Variants in CLSTN3 observed in about 807,000 individuals in gnomAD.
CLSTN3 encodes the protein calsyntenin-3.
A neutral mutation model predicts 95.9 loss-of-function variants in CLSTN3; 36 were observed. That is an observed-to-expected ratio of 0.38 (90% CI 0.29 to 0.50). The LOEUF is 0.50. Among genes scored for constraint, CLSTN3 ranks in the 20% least tolerant of loss-of-function variants. The pLI, the probability that CLSTN3 is intolerant of heterozygous loss-of-function variation, is 0.95. For missense variants in CLSTN3, 1,084 were observed against 1,268.8 expected (o/e 0.85, Z 2.21); for synonymous variants, 481 against 504.0 (o/e 0.95, Z 0.61).
At position 7,149,606 on chromosome 12, in the gene CLSTN3, G is replaced by C; in HGVS notation, c.2158G>C (p.Glu720Gln). The C allele has an allele frequency of 6.2e-7, 1 of 1,614,118 alleles. No individual in the cohort carries two copies. The highest frequency in any genetic ancestry group is 8.5e-7 in the Non-Finnish European group (1 of 1,179,976). The stretch of plus-strand genomic sequence containing the variant: ...TCTGGTGGGGGATGACCTGGATCCC[G>C]AGCGGGAAAGCCTGCTCCTGGACAC... ...ISLVGDDLDP[E>Q]RESLLLDTTS... Residue 720 changes from glutamate (E) to glutamine (Q), a missense_variant, in exon 14 of 18, where the codon GAG becomes CAG. Transcript: ENST00000266546. The surrounding 1 kb of genome is among the most constrained non-coding windows in gnomAD (Gnocchi z 4.5).
At chr12:7,156,404 G>A (rs1175813945) in intron 16 of CLSTN3, 1 of 456,610 alleles carries the variant, frequency 2.2e-6, no homozygotes, top group Non-Finnish European at 4.4e-6. Flanking sequence ...GGCCCTCACG[G>A]CCCACGTCTG....
At position 7,132,965 on chromosome 12, in the gene CLSTN3, T is replaced by C. The variant is rs758283698; in HGVS notation, c.65-59T>C. ...AGTTGTCTGGGTCAACAAGGGTTGTTGTGGGAGTAGAGGCCCTGCTCACAG... is the reference window on the plus strand; with the variant it reads ...AGTTGTCTGGGTCAACAAGGGTTGTCGTGGGAGTAGAGGCCCTGCTCACAG... On this transcript the variant is annotated intron_variant, in intron 1 of 17. Transcript: ENST00000266546. 1.9e-6 allele frequency: 3 copies of C among 1,610,020 alleles called. No homozygotes were observed. The African/African-American group carries it at 4.0e-5, about 22-fold the overall frequency.
intron 12 of CLSTN3, 60 bp downstream of exon 12, chr12:7,143,371 T>C (rs1939567315): frequency 1.3e-6 from 2 of 1,559,746 alleles, no homozygotes; most frequent in Admixed American, 3.4e-5. Flanking sequence ...TCACAGCTCC[T>C]TGGCCTAAGG....
rs759243878 is a variant in CLSTN3, at chr12:7,151,612, TGCTGCCCTTCAAA to T, written c.2527+565_2527+577del. Among the ~76,000 whole-genome samples, 539 of 152,138 alleles carry T rather than the reference TGCTGCCCTTCAAA, an allele frequency of 3.5e-3. 4 individuals are homozygous for T. Among genetic ancestry groups the T allele is most frequent in the African/African-American group, 0.011 (463 of 41,526 alleles). On this transcript the variant is annotated intron_variant, in intron 16 of 17. Coordinates refer to ENST00000266546, the MANE Select transcript of CLSTN3 (RefSeq NM_014718.4). The stretch of plus-strand genomic sequence containing the variant: ...TGCAAAGCGTTACATTCAGATGGAG[TGCTGCCCTTCAAA>T]GCTGCCCTTCAAAGCAACCTGGCCG...
upstream of CLSTN3, chr12:7,129,797 G>T: frequency 1.0e-6 from 1 of 985,772 alleles, no homozygotes; most frequent in Non-Finnish European, 1.2e-6. The surrounding 1 kb of genome is among the most constrained non-coding windows in gnomAD (Gnocchi z 5.5). Context: ...GGCAGGACAG[G>T]TAGGCAGGAG....
chr12:7,151,757 T>C (rs911699137), intron 16 of CLSTN3, among the ~76,000 whole-genome samples: 5 of 152,068 alleles, frequency 3.3e-5, no homozygotes, highest in Admixed American at 3.3e-4. Context: ...AATATTTCTT[T>C]TAAAGAAGAA....
In CLSTN3 at chr12:7,138,041, G is replaced by A. The variant is rs753656821; in HGVS notation, c.1297G>A (p.Val433Ile). The A allele has an allele frequency of 5.0e-6, 8 of 1,613,722 alleles. 1 individual carries two copies. The highest frequency in any genetic ancestry group is 1.6e-4 in the Middle Eastern group (1 of 6,084). ...YWPLLESARP[V>I]KFLWKLEQVC... ...GCCCCTGCTTGAGAGTGCCCGCCCA[G>A]TCAAGTTCCTCTGGAAGCTGGAGCA... Residue 433 changes from valine (V) to isoleucine (I), a missense_variant, in exon 8 of 18, where the codon GTC becomes ATC. By Grantham distance (29) the Val-to-Ile change is conservative. Coordinates refer to ENST00000266546, the MANE Select transcript of CLSTN3 (RefSeq NM_014718.4).
chr12:7,130,772 G>A lies in CLSTN3; in HGVS notation c.64+60G>A, dbSNP rs763066890. The A allele has an allele frequency of 1.8e-5, 26 of 1,454,898 alleles. No homozygotes were observed. In the African/African-American group the frequency reaches 3.5e-4, roughly 20 times the overall value. 90.1% of individuals were successfully genotyped at this position (1,454,898 alleles called of 1,614,324 possible). On this transcript the variant is annotated intron_variant, in intron 1 of 17. Coordinates refer to ENST00000266546, the MANE Select transcript of CLSTN3 (RefSeq NM_014718.4). ...GGCGTCGGGCAGCGCCGTGCGGGGTGGGGGTGGGAAGGAGGTGTCGAGGCT... is the reference window on the plus strand; with the variant it reads ...GGCGTCGGGCAGCGCCGTGCGGGGTAGGGGTGGGAAGGAGGTGTCGAGGCT...
chr12:7,135,999 T>A (rs1273699783), intron 5 of CLSTN3, 46 bp downstream of exon 5: 2 of 1,560,816 alleles, frequency 1.3e-6, no homozygotes, highest in South Asian at 2.4e-5. Flanking sequence ...ATCTTTTTTC[T>A]TGGTCTCTCT....
At chr12:7,140,935 G>A (rs1419520137) in intron 8 of CLSTN3, among the ~76,000 whole-genome samples, 1 of 152,174 alleles carries the variant, frequency 6.6e-6, no homozygotes, top group African/African-American at 2.4e-5. Context: ...ACACACATAT[G>A]TAATACATAA....
intron 6 of CLSTN3, 151 bp downstream of exon 6, chr12:7,136,542 G>A (rs1251630543): frequency 2.3e-6 from 2 of 861,030 alleles, no homozygotes; most frequent in African/African-American, 3.4e-5. Context: ...CGGCCCAAAA[G>A]GCAGGTACAT....
intron 16 of CLSTN3, among the ~76,000 whole-genome samples, chr12:7,151,833 A>G (rs1038955625): frequency 1.1e-4 from 16 of 152,184 alleles, no homozygotes; most frequent in Admixed American, 9.8e-4. Context: ...CAGGAGGCTC[A>G]CTTGAGTCCA....
intron 3 of CLSTN3, 90 bp from the exon 4 acceptor site, chr12:7,135,237 C>A: frequency 8.0e-7 from 1 of 1,254,172 alleles, no homozygotes; most frequent in South Asian, 1.3e-5. Context: ...GAGGCTGTAC[C>A]TCGGTGTGCT....
intron 12 of CLSTN3, among the ~76,000 whole-genome samples, chr12:7,144,037 G>C (rs1030049435): frequency 6.6e-6 from 1 of 152,114 alleles, no homozygotes; most frequent in African/African-American, 2.4e-5. Flanking sequence ...GACCAGCCTG[G>C]CCAACATGGT....
Position 7,149,734 on chromosome 12 carries a change from C to A in CLSTN3, c.2245+41C>A. ...GGGCCTGTCCTCTGTGTGTGTGTGC[C>A]CCTCCCAAAAAGTAAGGGCCTAGGA... is the stretch of plus-strand genomic sequence containing the variant. On this transcript the variant is annotated intron_variant, in intron 14 of 17. Transcript: ENST00000266546. The surrounding 1 kb of genome is among the most constrained non-coding windows in gnomAD (Gnocchi z 4.5). The A allele has an allele frequency of 6.5e-7, 1 of 1,550,296 alleles. No homozygotes were observed. The highest frequency in any genetic ancestry group is 8.8e-7 in the Non-Finnish European group (1 of 1,134,814).
Position 7,135,470 on chromosome 12 carries a change from A to T in CLSTN3, c.527A>T (p.Gln176Leu). Residue 176 changes from glutamine (Q) to leucine (L), a missense_variant, in exon 4 of 18, where the codon CAG (glutamine) becomes CTG (leucine). Physicochemically the swap from Gln to Leu is moderately radical, Grantham distance 113. Coordinates refer to ENST00000266546, the MANE Select transcript of CLSTN3 (RefSeq NM_014718.4). ...VEAIDGDCSP[Q>L]YSQICYYEIL... ...GCCATTGACGGTGACTGCTCCCCCC[A>T]GTACAGCCAGATCTGCTACTATGAG... The T allele has an allele frequency of 6.2e-7, 1 of 1,614,050 alleles. No homozygotes were observed.
At position 7,137,478 on chromosome 12, in the gene CLSTN3, G is replaced by A. The variant is rs1939447903; in HGVS notation, c.1210+368G>A. 2.0e-5 allele frequency among the ~76,000 whole-genome samples: 3 copies of A among 152,106 alleles called. No individual in the cohort carries two copies. In the South Asian group the frequency reaches 6.2e-4, roughly 32 times the overall value. On this transcript the variant is annotated intron_variant, in intron 7 of 17. Transcript: ENST00000266546. This position sits in a 1 kb window ranked among gnomAD's most constrained non-coding sequence, Gnocchi z 4.4. ...CCATTCTTTCATCATCCCATCCTGG[G>A]ACTGGTTGGCCCCAACTCCGAGGCC...
chr12:7,137,023 A>T lies in CLSTN3; in HGVS notation c.1123A>T (p.Thr375Ser). Residue 375 changes from threonine to serine, a missense_variant, in exon 7 of 18, where the codon ACC (threonine) becomes TCC (serine). Transcript: ENST00000266546. This position sits in a 1 kb window ranked among gnomAD's most constrained non-coding sequence, Gnocchi z 4.4. ...CCAGGACAGCCTCAGTGACCACTTC[A>T]CCCTGTCCTTCTGGATGAAGCATGG... Reference protein sequence around the residue: ...GPQDSLSDHFTLSFWMKHGVT... With the variant: ...GPQDSLSDHFSLSFWMKHGVT... 6.2e-7 allele frequency: 1 copy of T among 1,613,966 alleles called. No individual in the cohort carries two copies. Among genetic ancestry groups the T allele is most frequent in the Non-Finnish European group, 8.5e-7 (1 of 1,179,990 alleles).
chr12:7,132,685 C>T (rs1939326949), intron 1 of CLSTN3: 1 of 569,796 alleles, frequency 1.8e-6, no homozygotes, highest in Admixed American at 3.1e-5. Flanking sequence ...TTCCCTGTCT[C>T]CATTCTCTAG....
Sources: gnomAD v4.1 joint callset for allele counts (sites outside exome capture counted in the v4.1 genomes callset) on GRCh38, gnomAD v4.1.1 for gene constraint, Gnocchi (gnomAD v3.1) non-coding constraint, MANE v1.5 for transcripts, NCBI Gene and HGNC (gene_info 2026-07-23, HGNC 2026-07-21) for gene names.